The following CADPS2 variants were observed in gnomAD, a reference collection of about 807,000 sequenced individuals.
The protein encoded by CADPS2 is calcium dependent secretion activator 2.
CADPS2 carries 93 observed loss-of-function variants against 172.5 expected under a neutral mutation model. That is an observed-to-expected ratio of 0.54 (90% CI 0.46 to 0.64). The LOEUF is 0.64. Ranked by LOEUF, CADPS2 falls within the 30% of genes least tolerant of loss-of-function variation. The pLI, the probability that CADPS2 is intolerant of heterozygous loss-of-function variation, is 0.00. For missense variants in CADPS2, 1,420 were observed against 1,565.9 expected (o/e 0.91, Z 1.57); for synonymous variants, 546 against 555.2 (o/e 0.98, Z 0.23).
At chr7:122,508,460 T>G (rs944700033) in intron 9 of CADPS2, among the ~76,000 whole-genome samples, 5 of 115,350 alleles carry the variant, frequency 4.3e-5, no homozygotes, top group African/African-American at 8.4e-5. Context: ...TTTTTTTTTT[T>G]TTTTTTTTTT....
In CADPS2 at chr7:122,361,371, C is replaced by T. The variant is rs974867283; in HGVS notation, c.3388-358G>A. ...GCCTCAGCCTCCCGAGTAGCTGGAA[C>T]TACAGGCGTCCGCCACCACACCTGG... On this transcript the variant is annotated intron_variant, in intron 25 of 29. Coordinates refer to ENST00000449022, the MANE Select transcript of CADPS2 (RefSeq NM_017954.11). Among the ~76,000 whole-genome samples the T allele has an allele frequency of 2.0e-5, 3 of 151,666 alleles. No homozygotes were observed. In the South Asian group the frequency reaches 6.3e-4, roughly 32 times the overall value.
intron 1 of CADPS2, among the ~76,000 whole-genome samples, chr7:122,825,367 TCATA>T (rs1342666782): frequency 6.6e-6 from 1 of 152,184 alleles, no homozygotes; most frequent in Non-Finnish European, 1.5e-5. Flanking sequence ...TCTAGATCTC[TCATA>T]CAGAGTGATC....
intron 1 of CADPS2, among the ~76,000 whole-genome samples, chr7:122,859,337 C>T (rs1816278270): frequency 6.6e-6 from 1 of 152,090 alleles, no homozygotes; most frequent in African/African-American, 2.4e-5. Flanking sequence ...TTATTCCTGT[C>T]TTAATGTATA....
Position 122,698,151 on chromosome 7 carries a change from G to A in CADPS2, c.454-34582C>T, listed in dbSNP as rs765263043. The A allele has an allele frequency of 1.1e-5, 18 of 1,613,728 alleles. No homozygotes were observed. The African/African-American group carries it at 1.3e-4, about 12-fold the overall frequency. On this transcript the variant is annotated intron_variant, in intron 2 of 29. Coordinates refer to ENST00000449022, the MANE Select transcript of CADPS2 (RefSeq NM_017954.11). ...GCTTATAGCGTTCAAAGCAAATTAC[G>A]CAGCTATCCCCATTTGGATTTATTT...
chr7:122,694,625 A>G (rs925116966), intron 2 of CADPS2, among the ~76,000 whole-genome samples: 2 of 152,182 alleles, frequency 1.3e-5, no homozygotes, highest in Non-Finnish European at 2.9e-5. Flanking sequence ...ACTGGTAGGA[A>G]AGAGACCATC....
intron 9 of CADPS2, among the ~76,000 whole-genome samples, chr7:122,496,960 T>G (rs1414057222): frequency 6.6e-6 from 1 of 152,156 alleles, no homozygotes; most frequent in Non-Finnish European, 1.5e-5. Context: ...GCAATTCTCT[T>G]AAATGTCTAT....
chr7:122,701,876 T>C (rs1320141483), intron 2 of CADPS2: 10 of 1,613,180 alleles, frequency 6.2e-6, no homozygotes, highest in South Asian at 1.1e-5. Context: ...ACATGTCCTA[T>C]GGGCTAAAAG....
intron 27 of CADPS2, among the ~76,000 whole-genome samples, chr7:122,360,476 G>A (rs950461732): frequency 1.1e-4 from 17 of 152,068 alleles, no homozygotes; most frequent in African/African-American, 3.9e-4. Context: ...GAGGAAAAGC[G>A]AGCAGTTTTT....
chr7:122,396,898 C>G (rs1041642315), intron 20 of CADPS2, among the ~76,000 whole-genome samples: 6 of 152,108 alleles, frequency 3.9e-5, no homozygotes, highest in African/African-American at 1.4e-4. Flanking sequence ...GTCCCTGGCT[C>G]AGAGCAAGTA....
chr7:122,435,305 A>G (rs2050491579), intron 17 of CADPS2, among the ~76,000 whole-genome samples: 1 of 152,178 alleles, frequency 6.6e-6, no homozygotes, highest in Admixed American at 6.5e-5. Flanking sequence ...ATAACTTAAC[A>G]GCAGAAACCC....
intron 25 of CADPS2, among the ~76,000 whole-genome samples, chr7:122,375,563 A>G (rs1181071233): frequency 6.6e-6 from 1 of 152,074 alleles, no homozygotes; most frequent in Non-Finnish European, 1.5e-5. Context: ...GTTGACCCTT[A>G]TCTTACAACA....
chr7:122,380,466 A>ATT (rs200981819), intron 24 of CADPS2, among the ~76,000 whole-genome samples: 6 of 145,976 alleles, frequency 4.1e-5, no homozygotes, highest in Non-Finnish European at 7.6e-5. Flanking sequence ...TTTGAAAGCT[A>ATT]TTTTTTTTTT....
chr7:122,806,051 T>C (rs1269122190), intron 1 of CADPS2, among the ~76,000 whole-genome samples: 2 of 152,238 alleles, frequency 1.3e-5, no homozygotes, highest in African/African-American at 4.8e-5. Flanking sequence ...TGATCATTTC[T>C]GAAAATATAA....
rs533299133 is a variant in CADPS2, at chr7:122,670,665, T to A, written c.454-7096A>T. Among the ~76,000 whole-genome samples, 151 of 149,590 alleles carry A rather than the reference T, an allele frequency of 1.0e-3. No individual in the cohort carries two copies. The Middle Eastern group carries it at 0.014, about 14-fold the overall frequency. On this transcript the variant is annotated intron_variant, in intron 2 of 29. Transcript: ENST00000449022. ...GGCACAAGCCACCACGCCTGGCTAA[T>A]TTTTTTTGTATTTTTAGTAGAGACG...
intron 9 of CADPS2, 39 bp downstream of exon 9, chr7:122,513,210 T>A (rs1195316501): frequency 7.3e-7 from 1 of 1,376,756 alleles, no homozygotes; most frequent in Non-Finnish European, 1.0e-6. Context: ...TGAGAACTGC[T>A]ATCTTAGAGT....
At chr7:122,804,125 A>T (rs2140024718) in intron 1 of CADPS2, among the ~76,000 whole-genome samples, 1 of 152,222 alleles carries the variant, frequency 6.6e-6, no homozygotes, top group East Asian at 1.9e-4. Flanking sequence ...CCTGCACTCT[A>T]GTTTGTTCAG....
intron 28 of CADPS2, among the ~76,000 whole-genome samples, chr7:122,337,832 G>A (rs62473067): frequency 0.15 from 22,807 of 150,474 alleles, 1,747 homozygotes; most frequent in African/African-American, 0.16. Flanking sequence ...ATAGAAACAG[G>A]CTTGACTATG....
chr7:122,332,394 CTTT>C (rs35258384), intron 28 of CADPS2, among the ~76,000 whole-genome samples: 4 of 137,272 alleles, frequency 2.9e-5, no homozygotes, highest in Non-Finnish European at 3.1e-5. Flanking sequence ...TCTTCATCAT[CTTT>C]TTTTTTTTTT....
At chr7:122,805,431 T>A (rs1798584450) in intron 1 of CADPS2, among the ~76,000 whole-genome samples, 2 of 152,222 alleles carry the variant, frequency 1.3e-5, no homozygotes, top group Admixed American at 1.3e-4. Context: ...GTGCTGAGAT[T>A]ACAGGAGTGA....
Sources: gnomAD v4.1 joint callset for allele counts (sites outside exome capture counted in the v4.1 genomes callset) on GRCh38, gnomAD v4.1.1 for gene constraint, MANE v1.5 for transcripts, NCBI Gene and HGNC (gene_info 2026-07-23, HGNC 2026-07-21) for gene names.